TACC2: variants seen among roughly 807,000 people sequenced by gnomAD.
TACC2 encodes the protein transforming acidic coiled-coil-containing protein 2.
Under a neutral mutation model 227.3 loss-of-function variants are expected in TACC2, and 137 were observed. That is an observed-to-expected ratio of 0.60 (90% confidence interval 0.52 to 0.69). The LOEUF (loss-of-function observed/expected upper bound fraction) is 0.69. Ranked by LOEUF, TACC2 falls within the 30% of genes least tolerant of loss-of-function variation. TACC2 has a pLI of 0.00. For synonymous variants in TACC2, 1,523 were observed against 1,487.5 expected, an observed-to-expected ratio of 1.02 and a Z score of -0.55; for missense variants, 3,470 against 3,694.4, an observed-to-expected ratio of 0.94 and a Z score of 1.57.
At position 122,211,110 on chromosome 10, in the gene TACC2, G is replaced by T; in HGVS notation, c.6685G>T (p.Val2229Phe). 1 of 1,611,532 alleles carries T rather than the reference G, an allele frequency of 6.2e-7. No individual in the cohort carries two copies. The highest frequency in any genetic ancestry group is 8.5e-7 in the Non-Finnish European group (1 of 1,178,958). Residue 2229 changes from valine to phenylalanine, a missense_variant, in exon 9 of 23, where the codon GTC becomes TTC. By Grantham distance (50) the Val-to-Phe change is conservative (BLOSUM62 -1). Around this residue, in one of 10 missense-constraint regions of TACC2, gnomAD observed 593 missense variants for 636.6 expected, o/e 0.93. Coordinates refer to ENST00000369005, the MANE Select transcript of TACC2 (RefSeq NM_206862.4). ...TGGCAGAGTGCAGAACTCACCCCCT[G>T]TCGGGAGGAAAACGCTGCCTCTTAC... ...GGGRVQNSPP[V>F]GRKTLPLTTA...
Position 122,211,600 on chromosome 10 carries a change from C to T in TACC2, c.7175C>T (p.Ser2392Phe). Residue 2392 changes from serine (S) to phenylalanine (F), a missense_variant, in exon 9 of 23, where the codon TCT (serine) becomes TTT (phenylalanine). By Grantham distance (155) the Ser-to-Phe change is radical. Coordinates refer to ENST00000369005, the MANE Select transcript of TACC2 (RefSeq NM_206862.4). ...KTSSKTPSSP[S>F]KSPASFEIPA... ...TCCTCTAAGACCCCCAGCTCACCTT[C>T]TAAATCCCCAGCCTCCTTTGAGATC... 1 of 1,614,010 alleles carries T rather than the reference C, an allele frequency of 6.2e-7. No individual in the cohort carries two copies. The highest frequency in any genetic ancestry group is 8.5e-7 in the Non-Finnish European group (1 of 1,179,958).
At chr10:122,224,441 A>G (rs1008851384) in intron 11 of TACC2, among the ~76,000 whole-genome samples, 1 of 152,184 alleles carries the variant, frequency 6.6e-6, no homozygotes, top group Non-Finnish European at 1.5e-5. Context: ...GTCTGGCCAC[A>G]CTTGGGCTGT....
In TACC2 at chr10:122,211,199, C is replaced by T. The variant is rs1198068596; in HGVS notation, c.6774C>T (p.Ala2258=). The change falls in exon 9 of 23, where the codon GCC becomes GCT. Residue 2258 remains alanine, a synonymous_variant. Coordinates refer to ENST00000369005, the MANE Select transcript of TACC2 (RefSeq NM_206862.4). ...GCGGGGGGCAAGAGGACTCTCCAGC[C>T]AAAGGGCTCTCCGTAAGGCTGGAGT... The part of the protein sequence containing the change: ...SDSGGQEDSP[A]KGLSVRLEFD... 2 of 1,613,710 alleles carry T rather than the reference C, an allele frequency of 1.2e-6. No individual in the cohort carries two copies. The highest frequency in any genetic ancestry group is 2.7e-5 in the African/African-American group (2 of 74,918).
At chr10:122,241,806 G>T in intron 18 of TACC2, 152 bp from the exon 19 acceptor site, 1 of 721,754 alleles carries the variant, frequency 1.4e-6, no homozygotes, top group South Asian at 1.6e-5. Flanking sequence ...TCACGCACCA[G>T]GAAAATGAGC....
intron 5 of TACC2, among the ~76,000 whole-genome samples, chr10:122,114,370 T>G (rs2084249490): frequency 6.6e-6 from 1 of 152,242 alleles, no homozygotes; most frequent in Non-Finnish European, 1.5e-5. Context: ...GAGATGCACG[T>G]GCAGATTAAC....
rs552160900 is a variant in TACC2 at position 122,008,144 on chromosome 10, A to C, written c.-45-13793A>C. Among the ~76,000 whole-genome samples the C allele has an allele frequency of 2.4e-4, 37 of 151,782 alleles. 1 individual carries two copies. The South Asian group carries it at 7.7e-3, about 32-fold the overall frequency. ...GAACAGAAGATGGACCAAGACAAACACCCAGTTGCCATTGGGTATTCCTAT... is the reference window on the plus strand; with the variant it reads ...GAACAGAAGATGGACCAAGACAAACCCCCAGTTGCCATTGGGTATTCCTAT... On this transcript the variant is annotated intron_variant, in intron 1 of 22. Transcript: ENST00000369005.
Position 122,210,076 on chromosome 10 carries a change from C to T in TACC2, c.5972-321C>T, listed in dbSNP as rs2141009196. ...TGTCTATTTCTGTTCCTTGTTGAAT[C>T]TCTAGTACCTAGAACCATGTCTGGT... is the stretch of plus-strand genomic sequence containing the variant. On this transcript the variant is annotated intron_variant, in intron 8 of 22. Transcript: ENST00000369005. The surrounding 1 kb of genome is among the most constrained non-coding windows in gnomAD (Gnocchi z 4.6). 2.8e-6 allele frequency: 1 copy of T among 354,662 alleles called. No individual in the cohort carries two copies. The highest frequency in any genetic ancestry group is 5.8e-5 in the East Asian group (1 of 17,382). The allele number at this position is 354,662 out of a possible 1,614,324, so 22.0% of individuals were successfully genotyped here. A position where few individuals can be genotyped will look rare whatever the true frequency, so the allele number is the denominator to read the frequency against.
chr10:122,185,019 T>G (rs1238238618), intron 7 of TACC2, among the ~76,000 whole-genome samples: 1 of 148,352 alleles, frequency 6.7e-6, no homozygotes, highest in East Asian at 1.9e-4. Flanking sequence ...CTGTCACTTA[T>G]TCTTTTTTTT....
chr10:122,144,789 C>T (rs1220570328), intron 7 of TACC2, among the ~76,000 whole-genome samples: 2 of 152,206 alleles, frequency 1.3e-5, no homozygotes, highest in African/African-American at 4.8e-5. Context: ...TGTCCTGTAT[C>T]TCCTGGCATC....
intron 1 of TACC2, among the ~76,000 whole-genome samples, chr10:121,998,894 A>AT (rs1953913186): frequency 1.3e-5 from 2 of 152,304 alleles, no homozygotes; most frequent in South Asian, 4.1e-4. Context: ...CCTTTACTGC[A>AT]TGTTAAGCAA....
chr10:122,107,181 T>C (rs1223504388), intron 5 of TACC2, among the ~76,000 whole-genome samples: 1 of 152,226 alleles, frequency 6.6e-6, no homozygotes, highest in Non-Finnish European at 1.5e-5. Context: ...CAACCAATAA[T>C]GCTGGCCATA....
chr10:122,094,249 A>C (rs1565288330), intron 5 of TACC2, among the ~76,000 whole-genome samples: 1 of 152,134 alleles, frequency 6.6e-6, no homozygotes, highest in South Asian at 2.1e-4. Flanking sequence ...TGAGAGGTGA[A>C]TCTGTCATTT....
chr10:122,241,897 T>C, intron 18 of TACC2, 61 bp from the exon 19 acceptor site: 1 of 1,510,430 alleles, frequency 6.6e-7, no homozygotes, highest in Admixed American at 1.7e-5. Flanking sequence ...GGCGTCCAGC[T>C]GTGTGAGATG....
intron 6 of TACC2, among the ~76,000 whole-genome samples, chr10:122,142,417 C>T (rs191603917): frequency 1.3e-5 from 2 of 152,366 alleles, no homozygotes; most frequent in East Asian, 1.9e-4. Context: ...CCTGCTGGAC[C>T]TGCAGAATCT....
At chr10:122,218,634 C>T (rs953448477) in intron 11 of TACC2, among the ~76,000 whole-genome samples, 2 of 152,122 alleles carry the variant, frequency 1.3e-5, no homozygotes, top group Non-Finnish European at 2.9e-5. Context: ...TATACTTGTA[C>T]CTTTTGGCAT....
intron 3 of TACC2, among the ~76,000 whole-genome samples, chr10:122,060,741 A>G (rs984094378): frequency 6.6e-6 from 1 of 152,226 alleles, no homozygotes; most frequent in Non-Finnish European, 1.5e-5. Context: ...GCGGTGGCTC[A>G]TGTCTGTAAT....
At chr10:122,183,857 A>G (rs2094071630) in intron 7 of TACC2, among the ~76,000 whole-genome samples, 2 of 152,152 alleles carry the variant, frequency 1.3e-5, no homozygotes, top group Non-Finnish European at 2.9e-5. Flanking sequence ...CTCAGGCAAG[A>G]TGCTGAACCG....
At chr10:122,113,685 G>C (rs1805210797) in intron 5 of TACC2, among the ~76,000 whole-genome samples, 2 of 152,250 alleles carry the variant, frequency 1.3e-5, no homozygotes, top group African/African-American at 4.8e-5. Flanking sequence ...GGGCATCCCC[G>C]GCGGGCCACG....
chr10:122,153,020 C>T (rs2092209845), intron 7 of TACC2, among the ~76,000 whole-genome samples: 1 of 23,258 alleles, frequency 4.3e-5, no homozygotes, highest in Non-Finnish European at 1.8e-4. Flanking sequence ...GAGACGGAGT[C>T]TCACTTGCTC....
Sources: gnomAD v4.1 joint callset for allele counts (sites outside exome capture counted in the v4.1 genomes callset) on GRCh38, gnomAD v4.1.1 for gene constraint, gnomAD v4.1.1 regional missense constraint, Gnocchi (gnomAD v3.1) non-coding constraint, MANE v1.5 for transcripts, NCBI Gene and HGNC (gene_info 2026-07-23, HGNC 2026-07-21) for gene names.